The following C6 variants were observed in gnomAD, a reference collection of about 807,000 sequenced individuals.
C6 encodes the protein complement component C6.
In C6, 101 loss-of-function variants were observed where a neutral mutation model predicts 112.9. The observed-to-expected ratio is 0.89, with a 90% CI of 0.76 to 1.06. The LOEUF (loss-of-function observed/expected upper bound fraction) is 1.06, where lower values mean the gene tolerates loss of function less well. C6 is among the 50% of genes least tolerant of loss of function. The pLI is 0.00. For missense variants in C6, 1,202 were observed against 1,104.6 expected, an observed-to-expected ratio of 1.09 and a Z score of -1.25; for synonymous variants, 431 against 384.1, an observed-to-expected ratio of 1.12 and a Z score of -1.43.
chr5:41,230,290 T>G (rs189218324), intron 1 of C6, among the ~76,000 whole-genome samples: 1 of 152,096 alleles, frequency 6.6e-6, no homozygotes, highest in African/African-American at 2.4e-5. Context: ...TTTTTCTTCT[T>G]GCAGAGAGCC....
Position 41,204,067 on chromosome 5 carries a change from C to A in C6, c.-20-817G>T, listed in dbSNP as rs1262201794. On this transcript the variant is annotated intron_variant, in intron 1 of 17. Coordinates refer to ENST00000337836, the MANE Select transcript of C6 (RefSeq NM_000065.5). ...TGAGTTATTTGCAAAACCATACCCACCCCGTTATTGCCAGTTTAATCGTTA... is the reference window on the plus strand; with the variant it reads ...TGAGTTATTTGCAAAACCATACCCAACCCGTTATTGCCAGTTTAATCGTTA... 1.3e-5 allele frequency among the ~76,000 whole-genome samples: 2 copies of A among 152,208 alleles called. 1 individual carries two copies. The highest frequency in any genetic ancestry group is 4.1e-4 in the South Asian group (2 of 4,822).
chr5:41,225,084 C>G (rs1412061927), intron 1 of C6, among the ~76,000 whole-genome samples: 1 of 152,120 alleles, frequency 6.6e-6, no homozygotes, highest in Non-Finnish European at 1.5e-5. Flanking sequence ...TTAAATTATA[C>G]TTTAAGTTTT....
At chr5:41,153,564 A>G (rs2150243119) in intron 15 of C6, among the ~76,000 whole-genome samples, 1 of 152,318 alleles carries the variant, frequency 6.6e-6, no homozygotes, top group South Asian at 2.1e-4. Flanking sequence ...AGGTTATTCA[A>G]AAGGTTAACT....
rs568047704 is a variant in C6 at position 41,187,410 on chromosome 5, T to C, written c.588-1202A>G. Among the ~76,000 whole-genome samples the C allele has an allele frequency of 2.7e-4, 41 of 152,176 alleles. No homozygotes were observed. The South Asian group carries it at 8.5e-3, about 32-fold the overall frequency. On this transcript the variant is annotated intron_variant, in intron 5 of 17. Coordinates refer to ENST00000337836, the MANE Select transcript of C6 (RefSeq NM_000065.5). ...AAGTTTTGTAACTATCACAAAGATCTGAAAAAAAGACAAATAGACTCATTC... is the reference window on the plus strand; with the variant it reads ...AAGTTTTGTAACTATCACAAAGATCCGAAAAAAAGACAAATAGACTCATTC...
rs556454781 is a variant in C6, at chr5:41,163,813, T to C, written c.1292-1954A>G. On this transcript the variant is annotated intron_variant, in intron 9 of 17. Coordinates refer to ENST00000337836, the MANE Select transcript of C6 (RefSeq NM_000065.5). ...TCCTCAAAAAATTTTAAAAATGATA[T>C]AATTACAGATTTGAGAAGTCTGAAG... 9.8e-5 allele frequency among the ~76,000 whole-genome samples: 15 copies of C among 152,346 alleles called. 1 individual carries two copies. The highest frequency in any genetic ancestry group is 3.6e-4 in the African/African-American group (15 of 41,582).
chr5:41,142,551 T>G lies in C6; in HGVS notation c.*274A>C. 1 of 468,520 alleles carries G rather than the reference T, an allele frequency of 2.1e-6. No homozygotes were observed. Among genetic ancestry groups the G allele is most frequent in the South Asian group, 2.8e-5 (1 of 35,530 alleles). 29.0% of individuals were successfully genotyped at this position (468,520 alleles called of 1,614,324 possible). On this transcript the variant is annotated 3_prime_UTR_variant, in exon 18 of 18. Coordinates refer to ENST00000337836, the MANE Select transcript of C6 (RefSeq NM_000065.5). ...CTACATAAGGGCCTCAGAAGTCACATTATTTTTGTACAATGTGAACAGGAG... is the reference window on the plus strand; with the variant it reads ...CTACATAAGGGCCTCAGAAGTCACAGTATTTTTGTACAATGTGAACAGGAG...
chr5:41,189,722 T>A (rs1262042540), intron 5 of C6, among the ~76,000 whole-genome samples: 1 of 152,084 alleles, frequency 6.6e-6, no homozygotes, highest in Admixed American at 6.5e-5. Context: ...ATTCCTCTTA[T>A]CTAGCTGTAA....
intron 17 of C6, among the ~76,000 whole-genome samples, chr5:41,145,761 T>C (rs975516858): frequency 1.3e-5 from 2 of 152,188 alleles, no homozygotes; most frequent in Non-Finnish European, 2.9e-5. Context: ...TTCTTGTCCA[T>C]TGATGGAAGG....
intron 2 of C6, 88 bp from the exon 3 acceptor site, chr5:41,201,802 C>T: frequency 5.7e-6 from 7 of 1,228,776 alleles, no homozygotes; most frequent in African/African-American, 1.5e-5. Context: ...GCATTAACTA[C>T]AATAAATAGA....
exon 1 of C6, chr5:41,261,244 A>G (rs1742034888): frequency 1.9e-5 from 19 of 982,838 alleles, no homozygotes; most frequent in Non-Finnish European, 2.2e-5. Flanking sequence ...GCACATCAAA[A>G]TCCAAGTCCA....
chr5:41,253,183 T>G (rs1008537844), intron 1 of C6, among the ~76,000 whole-genome samples: 26 of 152,220 alleles, frequency 1.7e-4, no homozygotes, highest in Non-Finnish European at 2.9e-4. Context: ...TCTTCATTTA[T>G]GTTATGCATG....
intron 9 of C6, among the ~76,000 whole-genome samples, chr5:41,162,583 C>A (rs1747622080): frequency 3.9e-5 from 6 of 152,054 alleles, no homozygotes; most frequent in Admixed American, 3.9e-4. Flanking sequence ...CTCTAACTAA[C>A]AGGGATAGAG....
chr5:41,154,060 A>T lies in C6; in HGVS notation c.2102-62T>A, dbSNP rs550437271. 4.8e-4 allele frequency: 698 copies of T among 1,446,698 alleles called. 1 individual carries two copies. The highest frequency in any genetic ancestry group is 1.8e-3 in the Admixed American group (106 of 58,524). The allele number at this position is 1,446,698 out of a possible 1,614,324, so 89.6% of individuals were successfully genotyped here. A position where few individuals can be genotyped will look rare whatever the true frequency, so the allele number is the denominator to read the frequency against. On this transcript the variant is annotated intron_variant, in intron 14 of 17. Transcript: ENST00000337836. The stretch of plus-strand genomic sequence containing the variant: ...GCAGAATAAACAAAAAATTTAGGCA[A>T]ATTTTGTGCAACCAAAGAGGTGATT...
At chr5:41,182,523 T>C (rs1395495203) in intron 6 of C6, among the ~76,000 whole-genome samples, 2 of 152,190 alleles carry the variant, frequency 1.3e-5, no homozygotes, top group South Asian at 2.1e-4. Flanking sequence ...CCAGTTGCCT[T>C]CTCTTCCTTT....
At chr5:41,155,207 T>C in intron 13 of C6, 103 bp from the exon 14 acceptor site, 1 of 1,087,640 alleles carries the variant, frequency 9.2e-7, no homozygotes. Context: ...CTGGATCTAC[T>C]CAGTCACCAA....
At chr5:41,210,700 A>C (rs1751845683) in intron 1 of C6, among the ~76,000 whole-genome samples, 1 of 152,314 alleles carries the variant, frequency 6.6e-6, no homozygotes, top group East Asian at 1.9e-4. Flanking sequence ...ACCATCTCAC[A>C]CCAGTTAGAA....
intron 9 of C6, among the ~76,000 whole-genome samples, chr5:41,165,324 G>A (rs186481503): frequency 9.2e-5 from 14 of 152,210 alleles, no homozygotes; most frequent in East Asian, 3.9e-4. Context: ...ATATGTGTGC[G>A]TGCATTTATG....
chr5:41,255,269 G>A (rs577310896), intron 1 of C6, among the ~76,000 whole-genome samples: 11 of 151,938 alleles, frequency 7.2e-5, no homozygotes, highest in Non-Finnish European at 1.5e-4. Context: ...ACTGAGGCAT[G>A]GGAATTGCTT....
chr5:41,261,292 G>A (rs1242511252), exon 1 of C6: 1 of 691,134 alleles, frequency 1.4e-6, no homozygotes, highest in Non-Finnish European at 1.8e-6. Flanking sequence ...TGAGCTCTCA[G>A]CAGGAATCTT....
Sources: allele counts gnomAD v4.1 joint callset (sites outside exome capture counted in the v4.1 genomes callset), GRCh38; gene constraint gnomAD v4.1.1; transcripts MANE v1.5; gene names NCBI Gene and HGNC (gene_info 2026-07-23, HGNC 2026-07-21).